The following NAAA variants were observed in gnomAD, a reference collection of about 807,000 sequenced individuals.
NAAA encodes the protein N-acylethanolamine-hydrolyzing acid amidase.
A neutral mutation model predicts 44.8 loss-of-function variants in NAAA; 39 were observed. That is an observed-to-expected ratio of 0.87 (90% CI 0.67 to 1.14). The LOEUF (loss-of-function observed/expected upper bound fraction) is 1.14, where lower values mean the gene tolerates loss of function less well. NAAA is among the 50% of genes most tolerant of loss of function. The pLI is 0.00. For synonymous variants in NAAA, 178 were observed against 191.3 expected (o/e 0.93, Z 0.58); for missense variants, 460 against 467.8 (o/e 0.98, Z 0.15).
chr4:75,911,460 C>T (rs530194812), downstream of NAAA: 58 of 459,478 alleles, frequency 1.3e-4, no homozygotes, highest in South Asian at 8.0e-4. Flanking sequence ...ATCAGTCTCT[C>T]CAAGAACTCA....
intron 2 of NAAA, among the ~76,000 whole-genome samples, chr4:75,939,094 T>C (rs1178088882): frequency 2.0e-5 from 3 of 152,108 alleles, no homozygotes; most frequent in Non-Finnish European, 4.4e-5. Context: ...CTCAGGTGAT[T>C]CACCCGCCTC....
chr4:75,918,782 G>A lies in NAAA; in HGVS notation c.977C>T (p.Ser326Leu), dbSNP rs199933132. ...LSLEALFQIL[S>L]VVPVYNNFTI... ...TTACTTGTTATAAACTGGAACCACC[G>A]ACAAAATCTGCATAGGAAAAAGTCA... Residue 326 changes from serine (S) to leucine (L), a missense_variant, in exon 9 of 11, where the codon TCG (serine) becomes TTG (leucine). Ser to Leu is a moderately radical substitution (Grantham distance 145, BLOSUM62 -2). Transcript: ENST00000286733. 9.4e-5 allele frequency: 152 copies of A among 1,612,428 alleles called. No individual in the cohort carries two copies. The highest frequency in any genetic ancestry group is 1.1e-4 in the Non-Finnish European group (135 of 1,178,872).
chr4:75,927,777 ACT>A (rs150138653), intron 4 of NAAA, among the ~76,000 whole-genome samples: 2,149 of 147,456 alleles, frequency 0.015, 50 homozygotes, highest in African/African-American at 0.051. Flanking sequence ...AGACAGAAAG[ACT>A]CTGTCTCAAA....
rs758203166 is a variant in NAAA at position 75,925,828 on chromosome 4, A to T, written c.590-17T>A. ...AGCCTTTATCTGCCAAGTTGAGTAT[A>T]TATGTTATATATGTGTGTGTATATA... is the stretch of plus-strand genomic sequence containing the variant. On this transcript the variant is annotated splice_polypyrimidine_tract_variant and intron_variant, in intron 4 of 10. Transcript: ENST00000286733. 6.2e-7 allele frequency: 1 copy of T among 1,608,796 alleles called. No homozygotes were observed. Among genetic ancestry groups the T allele is most frequent in the Non-Finnish European group, 8.5e-7 (1 of 1,175,134 alleles).
At chr4:75,923,359 C>T (rs1042314292) in intron 5 of NAAA, among the ~76,000 whole-genome samples, 1 of 152,138 alleles carries the variant, frequency 6.6e-6, no homozygotes, top group African/African-American at 2.4e-5. Context: ...GGCTTCCTTT[C>T]TAACAAAAAG....
intron 4 of NAAA, among the ~76,000 whole-genome samples, chr4:75,926,162 G>A (rs758937665): frequency 7.9e-5 from 12 of 152,098 alleles, no homozygotes; most frequent in Non-Finnish European, 1.3e-4. Context: ...TCTGTTAGGG[G>A]ATTCATTGCC....
intron 3 of NAAA, among the ~76,000 whole-genome samples, chr4:75,933,184 T>C (rs115839047): frequency 1.8e-4 from 27 of 150,074 alleles, no homozygotes; most frequent in African/African-American, 6.6e-4. Flanking sequence ...TACTGTTCAA[T>C]AAAAGTTAAC....
intron 3 of NAAA, among the ~76,000 whole-genome samples, chr4:75,931,552 T>A (rs1472872586): frequency 2.0e-5 from 3 of 152,210 alleles, no homozygotes; most frequent in South Asian, 2.1e-4. Flanking sequence ...ATCTTTATTT[T>A]CACTAACCTC....
In NAAA at chr4:75,940,822, A is replaced by G. The variant is rs543404038; in HGVS notation, c.128T>C (p.Val43Ala). ...CACGGGCAGCCAGCGCAGCTCGGGGACCGAGTCCAGGCTCACGTTGAAGCG... is the reference window on the plus strand; with the variant it reads ...CACGGGCAGCCAGCGCAGCTCGGGGGCCGAGTCCAGGCTCACGTTGAAGCG... Reference protein sequence around the residue: ...APRFNVSLDSVPELRWLPVLR... With the variant: ...APRFNVSLDSAPELRWLPVLR... The change falls in exon 1 of 11, where the codon GTC becomes GCC. Residue 43 changes from valine to alanine, a missense_variant. Physicochemically the swap from Val to Ala is moderately conservative, Grantham distance 64. Transcript: ENST00000286733. The G allele has an allele frequency of 2.5e-6, 4 of 1,597,186 alleles. No homozygotes were observed. Among genetic ancestry groups the G allele is most frequent in the South Asian group, 1.1e-5 (1 of 90,376 alleles).
intron 5 of NAAA, 103 bp from the exon 6 acceptor site, chr4:75,921,226 CATG>C: frequency 9.3e-7 from 1 of 1,074,506 alleles, no homozygotes. Context: ...TATGTTATGT[CATG>C]ACTATCACCT....
At chr4:75,934,601 A>G (rs1190371167) in intron 3 of NAAA, among the ~76,000 whole-genome samples, 1 of 151,582 alleles carries the variant, frequency 6.6e-6, no homozygotes, top group African/African-American at 2.4e-5. Context: ...TGTTGGGATT[A>G]CAGGCGTGAG....
chr4:75,924,951 G>A (rs1726520957), intron 5 of NAAA, among the ~76,000 whole-genome samples: 1 of 151,954 alleles, frequency 6.6e-6, no homozygotes, highest in Non-Finnish European at 1.5e-5. Flanking sequence ...CTGAAGGTAG[G>A]GCCCCTGTCT....
At chr4:75,912,861 T>C (rs1000382616), downstream of NAAA, among the ~76,000 whole-genome samples, 1 of 152,166 alleles carries the variant, frequency 6.6e-6, no homozygotes, top group African/African-American at 2.4e-5. Context: ...CTACTTCTCA[T>C]ATTTGATTTT....
Position 75,940,982 on chromosome 4 carries a change from C to T in NAAA, c.-33G>A. 2 of 1,441,546 alleles carry T rather than the reference C, an allele frequency of 1.4e-6. No individual in the cohort carries two copies. The highest frequency in any genetic ancestry group is 1.4e-5 in the South Asian group (1 of 69,804). 89.3% of individuals were successfully genotyped at this position (1,441,546 alleles called of 1,614,324 possible). ...GCTCCAGCGGCCGCAACTTGGAGAC[C>T]TGCAGCCGCTGTCGGAGCCCGGGTA... On this transcript the variant is annotated 5_prime_UTR_variant, in exon 1 of 11. Coordinates refer to ENST00000286733, the MANE Select transcript of NAAA (RefSeq NM_014435.4).
chr4:75,917,088 C>A, intron 9 of NAAA: 2 of 956,418 alleles, frequency 2.1e-6, no homozygotes, highest in South Asian at 4.8e-5. Flanking sequence ...CAGATATATT[C>A]ATCACTTCTA....
In NAAA at chr4:75,925,159, G is replaced by T. The variant is rs113944125; in HGVS notation, c.666+576C>A. ...CACGCCATTCTCCTGCCTTAGCCTC[G>T]CGAGTAGCTGGGATTACAGGCACAT... On this transcript the variant is annotated intron_variant, in intron 5 of 10. Transcript: ENST00000286733. Among the ~76,000 whole-genome samples the T allele has an allele frequency of 7.0e-4, 107 of 151,868 alleles. 1 individual carries two copies. The highest frequency in any genetic ancestry group is 2.5e-3 in the African/African-American group (105 of 41,328).
chr4:75,934,096 A>T (rs1727490256), intron 3 of NAAA, among the ~76,000 whole-genome samples: 1 of 123,332 alleles, frequency 8.1e-6, no homozygotes, highest in African/African-American at 3.0e-5. Flanking sequence ...TAATAATAAT[A>T]ATTTACAGCC....
intron 9 of NAAA, among the ~76,000 whole-genome samples, chr4:75,915,751 G>T (rs1203328914): frequency 1.3e-5 from 2 of 152,034 alleles, no homozygotes; most frequent in Non-Finnish European, 2.9e-5. Flanking sequence ...AAAGCTCCAG[G>T]ATCAAGGCAC....
chr4:75,932,454 T>G (rs1031891228), intron 3 of NAAA, among the ~76,000 whole-genome samples: 2 of 152,122 alleles, frequency 1.3e-5, no homozygotes, highest in African/African-American at 4.8e-5. Context: ...TAAATTAAGG[T>G]CACAAGCTCC....
Sources: gnomAD v4.1 joint callset for allele counts (sites outside exome capture counted in the v4.1 genomes callset) on GRCh38, gnomAD v4.1.1 for gene constraint, MANE v1.5 for transcripts, NCBI Gene and HGNC (gene_info 2026-07-23, HGNC 2026-07-21) for gene names.